AGBL4: variants seen among roughly 807,000 people sequenced by gnomAD.
AGBL4 encodes AGBL carboxypeptidase 4.
AGBL4 carries 58 observed loss-of-function variants against 66.4 expected under a neutral mutation model. The ratio of observed to expected loss-of-function variants is 0.87; its 90% CI spans 0.71 to 1.09. The LOEUF is 1.09. Among genes scored for constraint, AGBL4 ranks in the 50% least tolerant of loss-of-function variants. The pLI is 0.00. For missense variants in AGBL4, 579 were observed against 631.0 expected (o/e 0.92, Z 0.88); for synonymous variants, 234 against 222.9 (o/e 1.05, Z -0.44).
At chr1:49,012,113 G>C (rs894674103) in intron 5 of AGBL4, among the ~76,000 whole-genome samples, 26 of 151,936 alleles carry the variant, frequency 1.7e-4, no homozygotes, top group African/African-American at 4.6e-4. Flanking sequence ...ACTGTACAAT[G>C]GTGTGAAAAG....
intron 6 of AGBL4, among the ~76,000 whole-genome samples, chr1:48,752,877 G>A (rs766512053): frequency 4.0e-5 from 6 of 151,458 alleles, no homozygotes; most frequent in Non-Finnish European, 8.8e-5. Context: ...AGCCTCCTGA[G>A]TAGCTGGGAC....
At chr1:48,675,993 C>T (rs1190395544) in intron 6 of AGBL4, among the ~76,000 whole-genome samples, 1 of 152,120 alleles carries the variant, frequency 6.6e-6, no homozygotes, top group Non-Finnish European at 1.5e-5. Flanking sequence ...TTATAGAATG[C>T]CATTATGTGC....
intron 1 of AGBL4, among the ~76,000 whole-genome samples, chr1:49,880,047 T>C (rs1357785562): frequency 6.6e-6 from 1 of 151,618 alleles, no homozygotes; most frequent in Non-Finnish European, 1.5e-5. Context: ...TTGGTTATTC[T>C]AGTTATACAT....
At chr1:49,695,774 G>A (rs944482570) in intron 3 of AGBL4, among the ~76,000 whole-genome samples, 2 of 151,988 alleles carry the variant, frequency 1.3e-5, no homozygotes, top group African/African-American at 4.8e-5. Context: ...CCTTCCTGTT[G>A]GCCCCTAAAC....
intron 6 of AGBL4, among the ~76,000 whole-genome samples, chr1:48,749,079 A>G (rs930852210): frequency 6.6e-6 from 1 of 152,092 alleles, no homozygotes; most frequent in Admixed American, 6.5e-5. Flanking sequence ...AAAGAGGTGA[A>G]AAAAGCAGGC....
intron 6 of AGBL4, among the ~76,000 whole-genome samples, chr1:48,678,776 G>A (rs1331839945): frequency 1.8e-4 from 28 of 152,170 alleles, no homozygotes; most frequent in Non-Finnish European, 4.4e-5. Context: ...GTTCCCCATG[G>A]TGTCCTTTCA....
intron 6 of AGBL4, among the ~76,000 whole-genome samples, chr1:48,841,405 C>G (rs992791046): frequency 5.2e-5 from 7 of 133,878 alleles, no homozygotes; most frequent in South Asian, 5.6e-4. Context: ...ACAAAACCCC[C>G]CCCCCCCAAA....
chr1:49,756,322 G>GA lies in AGBL4; in HGVS notation c.158-58886dup, dbSNP rs1304370992. 3.3e-5 allele frequency among the ~76,000 whole-genome samples: 5 copies of GA among 150,038 alleles called. No homozygotes were observed. The South Asian group carries it at 8.4e-4, about 25-fold the overall frequency. On this transcript the variant is annotated intron_variant, in intron 2 of 13. Transcript: ENST00000371839. ...GAGAAAAAAAAGTCAAGAATAAGTAGAAAAAAAAAGCCCTGAGCCTAGTGG... is the reference window on the plus strand; with the variant it reads ...GAGAAAAAAAAGTCAAGAATAAGTAGAAAAAAAAAAGCCCTGAGCCTAGTGG...
intron 3 of AGBL4, among the ~76,000 whole-genome samples, chr1:49,618,624 A>G (rs1326074716): frequency 6.6e-6 from 1 of 152,230 alleles, no homozygotes; most frequent in African/African-American, 2.4e-5. Flanking sequence ...TTATGAGGCC[A>G]GCATCATCCT....
intron 5 of AGBL4, among the ~76,000 whole-genome samples, chr1:48,903,550 A>T (rs1406110475): frequency 1.3e-5 from 2 of 152,166 alleles, no homozygotes; most frequent in Admixed American, 1.3e-4. Context: ...ACACCAGGTG[A>T]TGGCTTCAGT....
chr1:48,600,307 T>C (rs1291678051), intron 9 of AGBL4, among the ~76,000 whole-genome samples: 2 of 152,162 alleles, frequency 1.3e-5, no homozygotes, highest in African/African-American at 4.8e-5. Context: ...CTAGATCCTA[T>C]CTGGAAGAGC....
chr1:49,103,003 G>T (rs1002265746), intron 4 of AGBL4, among the ~76,000 whole-genome samples: 6 of 152,160 alleles, frequency 3.9e-5, no homozygotes, highest in African/African-American at 1.4e-4. Context: ...GGCATCTGTG[G>T]TTAGCAGTTC....
In AGBL4 at chr1:48,736,505, G is replaced by A; in HGVS notation, c.635-73264C>T. On this transcript the variant is annotated intron_variant, in intron 6 of 13. Transcript: ENST00000371839. This position sits in a 1 kb window ranked among gnomAD's most constrained non-coding sequence, Gnocchi z 4.0. ...GTTTAGTCCGACAGGAGGGCAGTGG[G>A]AGGCTTCTCTTGTCCTTTAAAAAGC... The A allele has an allele frequency of 6.7e-7, 1 of 1,497,558 alleles. No individual in the cohort carries two copies. The highest frequency in any genetic ancestry group is 9.3e-7 in the Non-Finnish European group (1 of 1,078,692). 92.8% of individuals were successfully genotyped at this position (1,497,558 alleles called of 1,614,324 possible). A position where few individuals can be genotyped will look rare whatever the true frequency, so the allele number is the denominator to read the frequency against.
intron 3 of AGBL4, among the ~76,000 whole-genome samples, chr1:49,247,378 G>A (rs967216260): frequency 1.3e-5 from 2 of 151,966 alleles, no homozygotes; most frequent in African/African-American, 4.8e-5. Flanking sequence ...GCCATTTACC[G>A]CATCTCTAGG....
At chr1:48,582,393 G>A (rs984817172) in intron 11 of AGBL4, among the ~76,000 whole-genome samples, 1 of 152,206 alleles carries the variant, frequency 6.6e-6, no homozygotes, top group Non-Finnish European at 1.5e-5. Context: ...CTAGAATAGT[G>A]ATCAAGTCCA....
chr1:49,752,169 C>T lies in AGBL4; in HGVS notation c.158-54732G>A, dbSNP rs190345675. Among the ~76,000 whole-genome samples the T allele has an allele frequency of 3.4e-3, 512 of 151,838 alleles. 5 individuals are homozygous for T. Among genetic ancestry groups the T allele is most frequent in the African/African-American group, 0.012 (493 of 41,422 alleles). ...CTAGTTCTTTTAATTGTGATGTTAG[C>T]GTGTCAATTTTAGATCTTTCCTGCT... is the stretch of plus-strand genomic sequence containing the variant. On this transcript the variant is annotated intron_variant, in intron 2 of 13. Transcript: ENST00000371839.
chr1:49,198,186 G>A (rs915320343), intron 4 of AGBL4, among the ~76,000 whole-genome samples: 3 of 151,854 alleles, frequency 2.0e-5, no homozygotes, highest in African/African-American at 7.3e-5. Flanking sequence ...CTCGTATTGG[G>A]GCTTCACTCG....
At chr1:48,619,868 G>A (rs1191199490) in intron 9 of AGBL4, among the ~76,000 whole-genome samples, 1 of 152,190 alleles carries the variant, frequency 6.6e-6, no homozygotes, top group Non-Finnish European at 1.5e-5. Flanking sequence ...TGTGAGAGAA[G>A]CCCCGCCCCA....
intron 5 of AGBL4, among the ~76,000 whole-genome samples, chr1:48,920,218 G>T (rs1034850571): frequency 3.9e-5 from 6 of 152,234 alleles, no homozygotes; most frequent in Non-Finnish European, 8.8e-5. Context: ...TATGACATTG[G>T]CCACATCCCT....
Sources: allele counts gnomAD v4.1 joint callset (sites outside exome capture counted in the v4.1 genomes callset), GRCh38; gene constraint gnomAD v4.1.1; non-coding constraint Gnocchi (gnomAD v3.1); transcripts MANE v1.5; gene names NCBI Gene and HGNC (gene_info 2026-07-23, HGNC 2026-07-21).